Variants in PCDH9 observed in about 807,000 individuals in gnomAD.
PCDH9 encodes the protein protocadherin-9.
Under a neutral mutation model 70.6 loss-of-function variants are expected in PCDH9, and 24 were observed. The observed-to-expected ratio is 0.34, with a 90% CI of 0.25 to 0.48. PCDH9 has a LOEUF of 0.48. Among genes scored for constraint, PCDH9 ranks in the 20% least tolerant of loss-of-function variants. PCDH9 has a pLI of 0.99. For missense variants in PCDH9, 1,281 were observed against 1,503.6 expected, an observed-to-expected ratio of 0.85 and a Z score of 2.45; for synonymous variants, 562 against 558.5, an observed-to-expected ratio of 1.01 and a Z score of -0.09.
chr13:67,069,622 G>C (rs987675530), intron 2 of PCDH9, among the ~76,000 whole-genome samples: 3 of 152,084 alleles, frequency 2.0e-5, no homozygotes, highest in Non-Finnish European at 2.9e-5. Context: ...TTGATCTCAC[G>C]CTAGTGCTTT....
chr13:66,853,754 T>C (rs1198438526), intron 3 of PCDH9, among the ~76,000 whole-genome samples: 1 of 148,960 alleles, frequency 6.7e-6, no homozygotes, highest in Non-Finnish European at 1.5e-5. Flanking sequence ...CTTTTTTTTT[T>C]TCAGGAGACA....
chr13:66,522,806 C>T (rs1366849608), intron 4 of PCDH9, among the ~76,000 whole-genome samples: 2 of 151,754 alleles, frequency 1.3e-5, no homozygotes, highest in African/African-American at 2.4e-5. Context: ...AAGTGGAGTC[C>T]CTCAATTTCA....
intron 3 of PCDH9, among the ~76,000 whole-genome samples, chr13:66,704,320 A>G (rs1489345973): frequency 6.6e-6 from 1 of 152,178 alleles, no homozygotes; most frequent in Non-Finnish European, 1.5e-5. Context: ...GCAGAAACTG[A>G]TGTGATATAT....
intron 2 of PCDH9, among the ~76,000 whole-genome samples, chr13:67,009,045 T>A (rs2139837100): frequency 6.6e-6 from 1 of 152,238 alleles, no homozygotes; most frequent in South Asian, 2.1e-4. Flanking sequence ...TATTTTTTTA[T>A]TTATTACCAA....
intron 3 of PCDH9, among the ~76,000 whole-genome samples, chr13:66,696,781 AACT>A (rs1163669384): frequency 1.8e-5 from 2 of 111,004 alleles, no homozygotes; most frequent in Non-Finnish European, 3.5e-5. Flanking sequence ...TGTTCAGGCA[AACT>A]TTTTTTTTTT....
chr13:66,484,499 C>T (rs935888658), intron 4 of PCDH9, among the ~76,000 whole-genome samples: 1 of 152,042 alleles, frequency 6.6e-6, no homozygotes, highest in Non-Finnish European at 1.5e-5. Flanking sequence ...CATAAAGTAC[C>T]CTAAATTTGA....
intron 2 of PCDH9, among the ~76,000 whole-genome samples, chr13:67,013,316 C>A (rs1194567485): frequency 6.7e-6 from 1 of 149,366 alleles, no homozygotes; most frequent in Non-Finnish European, 1.5e-5. Flanking sequence ...CATATTTCCC[C>A]TTCCTGAAAT....
chr13:66,876,623 C>G (rs542325985), intron 3 of PCDH9, among the ~76,000 whole-genome samples: 15 of 152,214 alleles, frequency 9.9e-5, no homozygotes, highest in African/African-American at 3.4e-4. Flanking sequence ...TTTAAGTACA[C>G]TGTCTGTAGC....
chr13:66,592,758 C>G (rs2077053897), intron 4 of PCDH9, among the ~76,000 whole-genome samples: 1 of 151,428 alleles, frequency 6.6e-6, no homozygotes, highest in Non-Finnish European at 1.5e-5. Flanking sequence ...TCAAACAGTT[C>G]AAAAGAACAG....
chr13:66,351,500 A>T lies in PCDH9; in HGVS notation c.3341-46472T>A, dbSNP rs531928370. 2.6e-5 allele frequency among the ~76,000 whole-genome samples: 4 copies of T among 152,284 alleles called. No individual in the cohort carries two copies. In the South Asian group the frequency reaches 8.3e-4, roughly 32 times the overall value. ...GTCTTTAAAAAACATATAATATTTT[A>T]TTTAACCAGATCAGTATTTATGAAA... On this transcript the variant is annotated intron_variant, in intron 4 of 4. Transcript: ENST00000377865.
intron 3 of PCDH9, among the ~76,000 whole-genome samples, chr13:66,753,044 G>T (rs778808112): frequency 6.6e-6 from 1 of 152,146 alleles, no homozygotes; most frequent in Non-Finnish European, 1.5e-5. Flanking sequence ...TCTAAAAAGA[G>T]ATAGTGTTTG....
At chr13:66,546,115 G>A (rs1768090356) in intron 4 of PCDH9, among the ~76,000 whole-genome samples, 1 of 151,530 alleles carries the variant, frequency 6.6e-6, no homozygotes, top group African/African-American at 2.4e-5. Context: ...TGGGATTACA[G>A]GCATGAGCCA....
chr13:66,813,976 C>A (rs2080557652), intron 3 of PCDH9, among the ~76,000 whole-genome samples: 1 of 152,110 alleles, frequency 6.6e-6, no homozygotes, highest in African/African-American at 2.4e-5. Context: ...ACACAAACTA[C>A]CAGCAGCTTA....
chr13:66,748,772 C>T (rs12865309), intron 3 of PCDH9, among the ~76,000 whole-genome samples: 42,584 of 152,104 alleles, frequency 0.28, 6,489 homozygotes, highest in East Asian at 0.45. Flanking sequence ...ACATAAAACA[C>T]TCAGCTATAT....
At chr13:66,874,946 A>T (rs56656981) in intron 3 of PCDH9, among the ~76,000 whole-genome samples, 5,590 of 96,224 alleles carry the variant, frequency 0.058, 302 homozygotes, top group African/African-American at 0.18. Context: ...TGTGTGTGAG[A>T]GAGAGAGAGA....
Position 67,035,156 on chromosome 13 carries a change from G to T in PCDH9, c.3037-131551C>A, listed in dbSNP as rs529302961. 9.2e-5 allele frequency among the ~76,000 whole-genome samples: 14 copies of T among 152,162 alleles called. No individual in the cohort carries two copies. The South Asian group carries it at 2.7e-3, about 29-fold the overall frequency. On this transcript the variant is annotated intron_variant, in intron 2 of 4. Coordinates refer to ENST00000377865, the MANE Select transcript of PCDH9 (RefSeq NM_203487.3). ...AATTTGCTCAATCATATTATAAATAGATCTTTTGACCAAGGGTACACCACA... is the reference window on the plus strand; with the variant it reads ...AATTTGCTCAATCATATTATAAATATATCTTTTGACCAAGGGTACACCACA...
At chr13:67,223,046 G>A (rs978668029) in intron 2 of PCDH9, 1 of 152,052 alleles carries the variant, frequency 6.6e-6, no homozygotes, top group South Asian at 2.1e-4. Flanking sequence ...TGTAAGCAAA[G>A]CCATTTTAAT....
rs117297872 is a variant in PCDH9, at chr13:67,073,721, G to A, written c.3036+151684C>T. 2.9e-3 allele frequency among the ~76,000 whole-genome samples: 443 copies of A among 152,074 alleles called. 2 individuals carry two copies. Among genetic ancestry groups the A allele is most frequent in the Non-Finnish European group, 4.9e-3 (336 of 67,954 alleles). ...AGTTTTAATTGATAGCATTACTTAT[G>A]TTATGCAGCTTCACATTAAAGAAGT... On this transcript the variant is annotated intron_variant, in intron 2 of 4. Transcript: ENST00000377865.
chr13:66,350,665 T>C lies in PCDH9; in HGVS notation c.3341-45637A>G, dbSNP rs1454705827. Reference sequence around the variant, plus strand: ...CTGTCTCACATTCAGTGCACAATCATATTCTGTGGATCTTCACAAAAATGA... The same window carrying C: ...CTGTCTCACATTCAGTGCACAATCACATTCTGTGGATCTTCACAAAAATGA... On this transcript the variant is annotated intron_variant, in intron 4 of 4. Coordinates refer to ENST00000377865, the MANE Select transcript of PCDH9 (RefSeq NM_203487.3). 9.2e-5 allele frequency among the ~76,000 whole-genome samples: 14 copies of C among 152,330 alleles called. No individual in the cohort carries two copies. The East Asian group carries it at 2.3e-3, about 25-fold the overall frequency.
Sources: allele counts gnomAD v4.1 joint callset (sites outside exome capture counted in the v4.1 genomes callset), GRCh38; gene constraint gnomAD v4.1.1; transcripts MANE v1.5; gene names NCBI Gene and HGNC (gene_info 2026-07-23, HGNC 2026-07-21).